Variants in PRKCB observed in about 807,000 individuals in gnomAD.
PRKCB encodes the protein protein kinase C beta.
In PRKCB, 13 loss-of-function variants were observed where a neutral mutation model predicts 81.5. The ratio of observed to expected loss-of-function variants is 0.16; its 90% confidence interval spans 0.10 to 0.25. The LOEUF (loss-of-function observed/expected upper bound fraction) is 0.25. Among genes scored for constraint, PRKCB ranks in the 10% least tolerant of loss-of-function variants. The probability of loss-of-function intolerance (pLI) is 1.00; values close to 1 mark genes in which losing one functional copy is unlikely to be tolerated. For missense variants in PRKCB, 509 were observed against 875.7 expected (o/e 0.58, Z 5.29); for synonymous variants, 335 against 321.4 (o/e 1.04, Z -0.45).
At chr16:24,016,592 A>C (rs1430278214) in intron 3 of PRKCB, among the ~76,000 whole-genome samples, 1 of 152,228 alleles carries the variant, frequency 6.6e-6, no homozygotes. Context: ...CAGTTAAAAT[A>C]AATTTGAAAA....
chr16:24,218,117 G>A lies in PRKCB; in HGVS notation c.*3301G>A, dbSNP rs1968260440. ...TAGTGAAGAAGCAGATGAGGACCCT[G>A]TTTATTGTTTCTCTCCAAGAAATTC... On this transcript the variant is annotated 3_prime_UTR_variant, in exon 17 of 17. Coordinates refer to ENST00000643927, the MANE Select transcript of PRKCB (RefSeq NM_002738.7). 4 of 985,320 alleles carry A rather than the reference G, an allele frequency of 4.1e-6. No homozygotes were observed. The South Asian group carries it at 1.4e-4, about 35-fold the overall frequency. 61.0% of individuals were successfully genotyped at this position (985,320 alleles called of 1,614,324 possible).
intron 11 of PRKCB, 52 bp downstream of exon 11, chr16:24,172,413 G>A (rs1854139481): frequency 1.3e-6 from 2 of 1,526,236 alleles, no homozygotes; most frequent in Non-Finnish European, 9.0e-7. Context: ...GGGTAGGTTA[G>A]TGGTTCCTTT....
At chr16:23,898,902 C>T (rs999641858) in intron 2 of PRKCB, among the ~76,000 whole-genome samples, 1 of 152,138 alleles carries the variant, frequency 6.6e-6, no homozygotes, top group Non-Finnish European at 1.5e-5. Context: ...TGATAGTGAT[C>T]GTGTATACTT....
At chr16:24,135,675 G>A (rs1013684542) in intron 9 of PRKCB, among the ~76,000 whole-genome samples, 2 of 152,106 alleles carry the variant, frequency 1.3e-5, no homozygotes, top group African/African-American at 4.8e-5. Context: ...AATTGCCTGA[G>A]GAGATTAAAA....
chr16:23,937,307 A>T (rs1282542667), intron 2 of PRKCB, among the ~76,000 whole-genome samples: 1 of 152,216 alleles, frequency 6.6e-6, no homozygotes, highest in African/African-American at 2.4e-5. Flanking sequence ...TTTGTTGTAG[A>T]ACAATGCCGT....
rs74560827 is a variant in PRKCB, at chr16:24,045,639, G to T, written c.529+10092G>T. On this transcript the variant is annotated intron_variant, in intron 5 of 16. Coordinates refer to ENST00000643927, the MANE Select transcript of PRKCB (RefSeq NM_002738.7). ...TTTTTTTTTCCAGAAATCACTGTGG[G>T]CCCTGGCTGCTCTGGGTGTGGTCTG... Among the ~76,000 whole-genome samples, 1,423 of 152,242 alleles carry T rather than the reference G, an allele frequency of 9.3e-3. 22 individuals carry two copies. Among genetic ancestry groups the T allele is most frequent in the African/African-American group, 0.033 (1,381 of 41,540 alleles).
chr16:24,037,505 A>G (rs937036890), intron 5 of PRKCB, among the ~76,000 whole-genome samples: 1 of 152,216 alleles, frequency 6.6e-6, no homozygotes, highest in Non-Finnish European at 1.5e-5. Flanking sequence ...ATCAGAAAAC[A>G]CATTTCCTCA....
At chr16:24,031,808 T>G (rs922186135) in intron 3 of PRKCB, among the ~76,000 whole-genome samples, 1 of 152,144 alleles carries the variant, frequency 6.6e-6, no homozygotes, top group African/African-American at 2.4e-5. Flanking sequence ...GTCTGTTACT[T>G]TGTTTTCCCA....
intron 16 of PRKCB, among the ~76,000 whole-genome samples, chr16:24,193,062 C>T (rs915418159): frequency 2.0e-5 from 3 of 152,048 alleles, no homozygotes; most frequent in Non-Finnish European, 2.9e-5. Context: ...AGGGCTCATG[C>T]GATGCTCTCA....
intron 5 of PRKCB, among the ~76,000 whole-genome samples, chr16:24,067,158 T>A (rs187914457): frequency 1.1e-3 from 161 of 152,324 alleles, no homozygotes; most frequent in Non-Finnish European, 1.8e-3. Flanking sequence ...AGTCAGTTTC[T>A]TTTTTGTAAC....
At chr16:24,142,507 T>C (rs1156803968) in intron 9 of PRKCB, among the ~76,000 whole-genome samples, 1 of 152,174 alleles carries the variant, frequency 6.6e-6, no homozygotes, top group Non-Finnish European at 1.5e-5. Context: ...CTAGCCAGCT[T>C]TTCTCTCTGT....
rs1260784320 is a variant in PRKCB at position 24,109,669 on chromosome 16, G to T, written c.822-3304G>T. Among the ~76,000 whole-genome samples, 2 of 133,168 alleles carry T rather than the reference G, an allele frequency of 1.5e-5. 1 individual carries two copies. The highest frequency in any genetic ancestry group is 7.4e-5 in the African/African-American group (2 of 27,018). 87.4% of individuals were successfully genotyped at this position (133,168 alleles called of 152,430 possible). A position where few individuals can be genotyped will look rare whatever the true frequency, so the allele number is the denominator to read the frequency against. On this transcript the variant is annotated intron_variant, in intron 7 of 16. Transcript: ENST00000643927. The stretch of plus-strand genomic sequence containing the variant: ...CTCCTCACATCCCAGATGATGGGTG[G>T]CCAGGCAGAGATGCTCCTCACTTCC...
At chr16:24,142,117 G>A (rs924911551) in intron 9 of PRKCB, among the ~76,000 whole-genome samples, 1 of 152,058 alleles carries the variant, frequency 6.6e-6, no homozygotes, top group Non-Finnish European at 1.5e-5. Context: ...TTTATGGATT[G>A]GGGAACTGAG....
At chr16:23,873,061 C>T (rs1962933118) in intron 2 of PRKCB, among the ~76,000 whole-genome samples, 2 of 151,020 alleles carry the variant, frequency 1.3e-5, no homozygotes, top group South Asian at 2.1e-4. Context: ...GGTGTGGTAG[C>T]GGATGCCTGT....
intron 13 of PRKCB, among the ~76,000 whole-genome samples, chr16:24,181,771 C>CAAAAAAAAAAAAAAAAAAAAAAAAA (rs71154286): frequency 3.3e-4 from 8 of 24,564 alleles, no homozygotes; most frequent in Non-Finnish European, 5.2e-4. Flanking sequence ...GACCCTGTCT[C>CAAAAAAAAAAAAAAAAAAAAAAAAA]AAAAAAAAAA....
At chr16:23,920,395 A>G (rs1337269834) in intron 2 of PRKCB, among the ~76,000 whole-genome samples, 1 of 152,228 alleles carries the variant, frequency 6.6e-6, no homozygotes, top group Admixed American at 6.5e-5. Context: ...ATTTAAACCG[A>G]TTTTGTGGTT....
At chr16:23,980,798 A>AATATATATAT (rs143162594) in intron 2 of PRKCB, among the ~76,000 whole-genome samples, 7 of 148,702 alleles carry the variant, frequency 4.7e-5, no homozygotes, top group African/African-American at 1.8e-4. Context: ...CTCCAAACAG[A>AATATATATAT]ATATATATAT....
chr16:24,211,557 C>CT lies in PRKCB; in HGVS notation c.1864-3083dup, dbSNP rs34318557. Among the ~76,000 whole-genome samples, 711 of 130,434 alleles carry CT rather than the reference C, an allele frequency of 5.5e-3. 6 individuals carry two copies. The highest frequency in any genetic ancestry group is 0.011 in the East Asian group (49 of 4,594). The allele number at this position is 130,434 out of a possible 152,430, so 85.6% of individuals were successfully genotyped here. On this transcript the variant is annotated intron_variant, in intron 16 of 16. Transcript: ENST00000643927. ...GGTTTGAATTCAGTCTACAGACTCA[C>CT]TTTTTTTTTTTTTTTTTTGCGATGG...
At chr16:24,170,517 A>C (rs1967426420) in intron 10 of PRKCB, among the ~76,000 whole-genome samples, 2 of 151,936 alleles carry the variant, frequency 1.3e-5, no homozygotes, top group African/African-American at 4.8e-5. Flanking sequence ...AGCGTAAAGG[A>C]GAGATTTCAC....
Sources: gnomAD v4.1 joint callset for allele counts (sites outside exome capture counted in the v4.1 genomes callset) on GRCh38, gnomAD v4.1.1 for gene constraint, MANE v1.5 for transcripts, NCBI Gene and HGNC (gene_info 2026-07-23, HGNC 2026-07-21) for gene names.